CCDC66: variants seen among roughly 807,000 people sequenced by gnomAD.
CCDC66 encodes coiled-coil domain-containing protein 66.
Under a neutral mutation model 128.3 loss-of-function variants are expected in CCDC66, and 133 were observed. The ratio of observed to expected loss-of-function variants is 1.04; its 90% CI spans 0.90 to 1.20. The LOEUF (loss-of-function observed/expected upper bound fraction) is 1.20, where lower values mean the gene tolerates loss of function less well. Ranked by LOEUF, CCDC66 falls within the 50% of genes most tolerant of loss-of-function variation. CCDC66 has a pLI of 0.00. For missense variants in CCDC66, 1,126 were observed against 1,075.5 expected, an observed-to-expected ratio of 1.05 and a Z score of -0.66; for synonymous variants, 387 against 357.0, an observed-to-expected ratio of 1.08 and a Z score of -0.95.
chr3:56,593,838 T>C, intron 9 of CCDC66, 97 bp downstream of exon 9: 1 of 1,580,736 alleles, frequency 6.3e-7, no homozygotes, highest in Non-Finnish European at 8.7e-7. Flanking sequence ...TTGGTATTTG[T>C]CTTTGAAATA....
Position 56,582,282 on chromosome 3 carries a change from G to T in CCDC66, c.937-10688G>T, listed in dbSNP as rs531702904. Among the ~76,000 whole-genome samples, 6 of 151,994 alleles carry T rather than the reference G, an allele frequency of 3.9e-5. No individual in the cohort carries two copies. The East Asian group carries it at 1.2e-3, about 30-fold the overall frequency. On this transcript the variant is annotated intron_variant, in intron 7 of 17. Transcript: ENST00000394672. ...TTGGAAAAGCGCAGTATTAGGGTGG[G>T]AGTGTCCCGATTTTCCAGGTACCGT...
chr3:56,600,666 C>T (rs1020429809), intron 10 of CCDC66, among the ~76,000 whole-genome samples: 15 of 151,884 alleles, frequency 9.9e-5, no homozygotes, highest in Admixed American at 3.9e-4. Flanking sequence ...TTTTAATGAT[C>T]GCCATTCTAA....
intron 3 of CCDC66, chr3:56,561,088 A>G (rs1264719887): frequency 2.4e-6 from 1 of 421,284 alleles, no homozygotes; most frequent in African/African-American, 2.1e-5. Context: ...GTTATATACC[A>G]TGTATGCTCC....
In CCDC66 at chr3:56,559,553, CT is replaced by C; in HGVS notation, c.77-10del. On this transcript the variant is annotated splice_polypyrimidine_tract_variant and intron_variant, in intron 2 of 17. Transcript: ENST00000394672. ...CTTTTGGTGGATAGTTTAGTAATTTCTTTTTTCTTTTGTAGAACATAAATCA... is the reference window on the plus strand; with the variant it reads ...CTTTTGGTGGATAGTTTAGTAATTTCTTTTTCTTTTGTAGAACATAAATCA... The C allele has an allele frequency of 6.6e-7, 1 of 1,513,268 alleles. No individual in the cohort carries two copies. The highest frequency in any genetic ancestry group is 8.9e-7 in the Non-Finnish European group (1 of 1,121,324). The allele number at this position is 1,513,268 out of a possible 1,614,324, so 93.7% of individuals were successfully genotyped here. A position where few individuals can be genotyped will look rare whatever the true frequency, so the allele number is the denominator to read the frequency against.
At chr3:56,581,253 C>G (rs2068318054) in intron 7 of CCDC66, among the ~76,000 whole-genome samples, 1 of 151,790 alleles carries the variant, frequency 6.6e-6, no homozygotes, top group African/African-American at 2.4e-5. Context: ...GTTTTCAGCT[C>G]CATCAGGTCA....
chr3:56,591,930 T>C (rs902474000), intron 7 of CCDC66, among the ~76,000 whole-genome samples: 2 of 152,242 alleles, frequency 1.3e-5, no homozygotes, highest in South Asian at 4.1e-4. Context: ...AGTTATTTCA[T>C]GTAATGAAAT....
upstream of CCDC66, chr3:56,557,166 G>T (rs1559578724): frequency 6.5e-7 from 1 of 1,543,624 alleles, no homozygotes; most frequent in Non-Finnish European, 8.8e-7. Flanking sequence ...AATTGGCGTA[G>T]CGCTTGCTGA....
rs746154650 is a variant in CCDC66 at position 56,619,521 on chromosome 3, T to A, written c.2629T>A (p.Ser877Thr). 1.2e-5 allele frequency: 20 copies of A among 1,604,924 alleles called. No individual in the cohort carries two copies. Among genetic ancestry groups the A allele is most frequent in the Admixed American group, 1.7e-5 (1 of 57,796 alleles). The change falls in exon 16 of 18, where the codon TCA (serine) becomes ACA (threonine). Residue 877 changes from serine to threonine, a missense_variant. Physicochemically the swap from Ser to Thr is moderately conservative, Grantham distance 58. Transcript: ENST00000394672. ...PSTQDPQYQN[S>T]QDCGQKRQLF... ...AACCCAGGACCCTCAGTACCAAAAT[T>A]CACAAGGTAAGTAAATATTAAGCAT...
intron 7 of CCDC66, among the ~76,000 whole-genome samples, chr3:56,577,200 G>C (rs936092895): frequency 6.6e-6 from 1 of 151,838 alleles, no homozygotes; most frequent in South Asian, 2.1e-4. Context: ...TCATGTGTCT[G>C]TTGGCTGCAT....
intron 7 of CCDC66, among the ~76,000 whole-genome samples, chr3:56,580,376 G>T (rs1472740522): frequency 6.6e-6 from 1 of 151,814 alleles, no homozygotes; most frequent in Admixed American, 6.6e-5. Context: ...TTGCCAGTCT[G>T]TGTCTTTTAA....
chr3:56,619,154 A>C, intron 15 of CCDC66, 117 bp from the exon 16 acceptor site: 4 of 833,306 alleles, frequency 4.8e-6, no homozygotes, highest in Non-Finnish European at 7.3e-6. Flanking sequence ...AGATCGCGCC[A>C]CTGCACTCCA....
At position 56,599,847 on chromosome 3, in the gene CCDC66, G is replaced by A. The variant is rs764428764; in HGVS notation, c.1404+5819G>A. Among the ~76,000 whole-genome samples, 59 of 152,146 alleles carry A rather than the reference G, an allele frequency of 3.9e-4. 1 individual carries two copies. The highest frequency in any genetic ancestry group is 5.1e-4 in the Non-Finnish European group (35 of 68,008). ...ATCCTTATGCTAATGAAAAGAATGT[G>A]TATTCTCTTAACTGTTGGATGAGAT... is the stretch of plus-strand genomic sequence containing the variant. On this transcript the variant is annotated intron_variant, in intron 10 of 17. Transcript: ENST00000394672.
At chr3:56,587,134 T>C (rs2069919489) in intron 7 of CCDC66, among the ~76,000 whole-genome samples, 1 of 151,772 alleles carries the variant, frequency 6.6e-6, no homozygotes, top group Non-Finnish European at 1.5e-5. Flanking sequence ...TCCTAAGAAT[T>C]GGAGAGGAAA....
chr3:56,594,512 C>T (rs901846455), intron 10 of CCDC66, among the ~76,000 whole-genome samples: 1 of 151,922 alleles, frequency 6.6e-6, no homozygotes, highest in Non-Finnish European at 1.5e-5. Flanking sequence ...GAAACCCCGT[C>T]TCTACTAAAA....
intron 7 of CCDC66, among the ~76,000 whole-genome samples, chr3:56,586,706 A>G (rs1474448497): frequency 6.6e-6 from 1 of 151,840 alleles, no homozygotes; most frequent in African/African-American, 2.4e-5. Context: ...AAAACTCCAA[A>G]GACTTGATGC....
Position 56,593,749 on chromosome 3 carries a change from C to A in CCDC66, c.1319+8C>A. On this transcript the variant is annotated splice_region_variant and intron_variant, in intron 9 of 17. Transcript: ENST00000394672. ...AAACAGTAAGAAAACAAAGTAAGTT[C>A]ATGCTTATGTATTTATTGACTTTTC... 6.2e-7 allele frequency: 1 copy of A among 1,608,232 alleles called. No individual in the cohort carries two copies. Among genetic ancestry groups the A allele is most frequent in the South Asian group, 1.1e-5 (1 of 90,864 alleles).
At chr3:56,593,826 G>T (rs931609647) in intron 9 of CCDC66, 85 bp downstream of exon 9, 7 of 1,584,614 alleles carry the variant, frequency 4.4e-6, no homozygotes, top group African/African-American at 2.7e-5. Context: ...TTGGTTTCAG[G>T]TTTGGTATTT....
chr3:56,572,405 C>T, intron 7 of CCDC66: 3 of 1,288,844 alleles, frequency 2.3e-6, no homozygotes, highest in South Asian at 1.2e-5. Flanking sequence ...GCATTCACAA[C>T]TTAGAGCTAG....
chr3:56,615,946 A>C lies in CCDC66; in HGVS notation c.1736A>C (p.Asn579Thr), dbSNP rs768113813. ...LGVDTIQMEY[N>T]ASNISNSRHD... is the part of the protein sequence containing the mutation. ...GTTGATACAATACAAATGGAATATAATGCATCTAACATTTCAAATTCAAGA... is the reference window on the plus strand; with the variant it reads ...GTTGATACAATACAAATGGAATATACTGCATCTAACATTTCAAATTCAAGA... The change falls in exon 13 of 18, where the codon AAT becomes ACT. Residue 579 changes from asparagine (N) to threonine (T), a missense_variant. Transcript: ENST00000394672. The C allele has an allele frequency of 6.3e-7, 1 of 1,598,438 alleles. No homozygotes were observed. Among genetic ancestry groups the C allele is most frequent in the South Asian group, 1.1e-5 (1 of 89,400 alleles).
Sources: allele counts gnomAD v4.1 joint callset (sites outside exome capture counted in the v4.1 genomes callset), GRCh38; gene constraint gnomAD v4.1.1; transcripts MANE v1.5; gene names NCBI Gene and HGNC (gene_info 2026-07-23, HGNC 2026-07-21).